The following OR4K1 variants were observed in gnomAD, a reference collection of about 807,000 sequenced individuals.
OR4K1 encodes the protein olfactory receptor family 4 subfamily K member 1.
A neutral mutation model predicts 14.4 loss-of-function variants in OR4K1; 16 were observed. The ratio of observed to expected loss-of-function variants is 1.11; its 90% CI spans 0.75 to 1.68. The LOEUF (loss-of-function observed/expected upper bound fraction) is 1.68, where lower values mean the gene tolerates loss of function less well. Ranked by LOEUF, OR4K1 falls within the 40% of genes most tolerant of loss-of-function variation. The pLI, the probability that OR4K1 is intolerant of heterozygous loss-of-function variation, is 0.00. For missense variants in OR4K1, 548 were observed against 376.9 expected, an observed-to-expected ratio of 1.45 and a Z score of -3.76; for synonymous variants, 181 against 133.1, an observed-to-expected ratio of 1.36 and a Z score of -2.48.
At chr14:19,928,076 G>A (rs1268473465), upstream of OR4K1, among the ~76,000 whole-genome samples, 1 of 152,184 alleles carries the variant, frequency 6.6e-6, no homozygotes, top group Non-Finnish European at 1.5e-5. Flanking sequence ...CATTTTTTGA[G>A]ATGGTGAACT....
the OR4K1 span, chr14:19,921,542 T>C: frequency 6.2e-7 from 1 of 1,613,616 alleles, no homozygotes; most frequent in South Asian, 1.1e-5. Flanking sequence ...GGAGAATTTC[T>C]GAAATGTCAC....
upstream of OR4K1, among the ~76,000 whole-genome samples, chr14:19,929,420 G>A (rs1329667010): frequency 6.7e-6 from 1 of 150,226 alleles, no homozygotes; most frequent in African/African-American, 2.4e-5. Flanking sequence ...TGGGGGGAGA[G>A]AGAGAGAGAC....
chr14:19,934,610 G>A (rs1434012579), intron 1 of OR4K1, among the ~76,000 whole-genome samples: 3 of 152,248 alleles, frequency 2.0e-5, no homozygotes, highest in African/African-American at 7.2e-5. Flanking sequence ...TGTAACCATT[G>A]GCTCTTCCTT....
At chr14:19,933,057 C>T (rs938617371) in intron 1 of OR4K1, among the ~76,000 whole-genome samples, 2 of 150,616 alleles carry the variant, frequency 1.3e-5, no homozygotes, top group East Asian at 2.0e-4. Flanking sequence ...GATGTATGTA[C>T]AAAATACTGT....
At chr14:19,925,148 T>C in the OR4K1 span, among the ~76,000 whole-genome samples, 2 of 152,178 alleles carry the variant, frequency 1.3e-5, no homozygotes, top group Non-Finnish European at 2.9e-5. Context: ...CTGAATAAAA[T>C]GGCAGAAGAA....
the OR4K1 span, among the ~76,000 whole-genome samples, chr14:19,922,765 G>T: frequency 3.3e-5 from 5 of 151,982 alleles, no homozygotes; most frequent in Admixed American, 2.6e-4. Context: ...TCACTTCAAA[G>T]AAACTTTCCT....
chr14:19,920,834 TG>T, the OR4K1 span: 2 of 1,614,244 alleles, frequency 1.2e-6, no homozygotes, highest in Non-Finnish European at 1.7e-6. Flanking sequence ...AGGCTTCTTT[TG>T]CTACCCCTAA....
the OR4K1 span, among the ~76,000 whole-genome samples, chr14:19,920,267 ACT>A: frequency 6.6e-6 from 1 of 152,172 alleles, no homozygotes; most frequent in Non-Finnish European, 1.5e-5. Context: ...GTGGAGCTGG[ACT>A]CTAGGTCACT....
the OR4K1 span, chr14:19,921,242 T>C: frequency 6.2e-7 from 1 of 1,614,164 alleles, no homozygotes; most frequent in Non-Finnish European, 8.5e-7. Context: ...GCACTTTCTC[T>C]CTCTTGGTCA....
At chr14:19,927,548 C>T (rs556895064), upstream of OR4K1, among the ~76,000 whole-genome samples, 1 of 152,064 alleles carries the variant, frequency 6.6e-6, no homozygotes, top group East Asian at 1.9e-4. Context: ...TACTTTACAA[C>T]AATGCCTATC....
At chr14:19,924,245 A>G in the OR4K1 span, among the ~76,000 whole-genome samples, 6 of 152,066 alleles carry the variant, frequency 3.9e-5, no homozygotes, top group Non-Finnish European at 1.5e-5. Context: ...TACTAAAAAT[A>G]CAAAATTAGC....
At chr14:19,921,172 G>A in the OR4K1 span, 2 of 1,614,156 alleles carry the variant, frequency 1.2e-6, no homozygotes, top group African/African-American at 1.3e-5. Flanking sequence ...AAACTTGCCT[G>A]CCTGGACTCT....
intron 1 of OR4K1, among the ~76,000 whole-genome samples, chr14:19,931,658 A>G (rs1882187043): frequency 6.6e-6 from 1 of 152,264 alleles, no homozygotes; most frequent in Non-Finnish European, 1.5e-5. Flanking sequence ...TTCCATTGAC[A>G]CATTGTATAG....
At chr14:19,923,482 T>C in the OR4K1 span, among the ~76,000 whole-genome samples, 2 of 152,232 alleles carry the variant, frequency 1.3e-5, no homozygotes. Flanking sequence ...ATTCATGTGT[T>C]AATTGACATA....
In OR4K1 at chr14:19,935,641, T is replaced by A. The variant is rs185952173; in HGVS notation, c.-19-7T>A. ...ATTGTGACATTTTTCTGATTTCTTT[T>A]TTTTAGGTAACTGAATATTGGATAC... is the stretch of plus-strand genomic sequence containing the variant. On this transcript the variant is annotated splice_region_variant and splice_polypyrimidine_tract_variant and intron_variant, in intron 1 of 1. Transcript: ENST00000641172. The A allele has an allele frequency of 1.9e-6, 3 of 1,541,162 alleles. No homozygotes were observed. The East Asian group carries it at 6.8e-5, about 35-fold the overall frequency.
the OR4K1 span, among the ~76,000 whole-genome samples, chr14:19,924,686 C>T: frequency 6.6e-6 from 1 of 152,188 alleles, no homozygotes; most frequent in African/African-American, 2.4e-5. Flanking sequence ...CCAGCAAACC[C>T]ATTACTGGTT....
upstream of OR4K1, among the ~76,000 whole-genome samples, chr14:19,930,225 G>A (rs1441479116): frequency 2.6e-5 from 4 of 152,110 alleles, no homozygotes; most frequent in African/African-American, 9.7e-5. Flanking sequence ...ATATGTGAAT[G>A]TTTTACTAAG....
chr14:19,932,569 GACT>G (rs1339030721), intron 1 of OR4K1, among the ~76,000 whole-genome samples: 1 of 152,226 alleles, frequency 6.6e-6, no homozygotes, highest in Non-Finnish European at 1.5e-5. Context: ...CTAAATCCAA[GACT>G]GTCCCACTTT....
chr14:19,924,256 C>T, the OR4K1 span, among the ~76,000 whole-genome samples: 98 of 152,048 alleles, frequency 6.4e-4, no homozygotes, highest in East Asian at 0.015. Flanking sequence ...CAAAATTAGC[C>T]GGGCATGGTG....
Sources: gnomAD v4.1 joint callset for allele counts (sites outside exome capture counted in the v4.1 genomes callset) on GRCh38, gnomAD v4.1.1 for gene constraint, MANE v1.5 for transcripts, NCBI Gene and HGNC (gene_info 2026-07-23, HGNC 2026-07-21) for gene names.